The following NPTX1 variants were observed in gnomAD, a reference collection of about 807,000 sequenced individuals.
The protein encoded by NPTX1 is neuronal pentraxin-1.
A neutral mutation model predicts 38.7 loss-of-function variants in NPTX1; 12 were observed. The observed-to-expected ratio is 0.31, with a 90% confidence interval of 0.20 to 0.50. The LOEUF (loss-of-function observed/expected upper bound fraction) is 0.50, where lower values mean the gene tolerates loss of function less well. Ranked by LOEUF, NPTX1 falls within the 20% of genes least tolerant of loss-of-function variation. The pLI is 0.98. For synonymous variants in NPTX1, 272 were observed against 264.9 expected (o/e 1.03, Z -0.26); for missense variants, 454 against 592.2 (o/e 0.77, Z 2.42).
chr17:80,476,065 C>T lies in NPTX1; in HGVS notation c.382G>A (p.Glu128Lys). 1 of 1,608,550 alleles carries T rather than the reference C, an allele frequency of 6.2e-7. No homozygotes were observed. Among genetic ancestry groups the T allele is most frequent in the Non-Finnish European group, 8.5e-7 (1 of 1,178,444 alleles). The change falls in exon 1 of 5, where the codon GAG (glutamate) becomes AAG (lysine). Residue 128 changes from glutamate to lysine, a missense_variant. Glu to Lys is a moderately conservative substitution (Grantham distance 56, BLOSUM62 1). Transcript: ENST00000306773. This position sits in a 1 kb window ranked among gnomAD's most constrained non-coding sequence, Gnocchi z 6.3. ...GTTTGCCCGAGTTGGCTGAGCGTCT[C>T]GGCGGCCGGTGTCCGGGACAGGTCG... ...MGDLSRTPAA[E>K]TLSQLGQTLQ...
chr17:80,474,656 C>T (rs2083865688), intron 2 of NPTX1: 1 of 152,460 alleles, frequency 6.6e-6, no homozygotes, highest in Non-Finnish European at 1.5e-5. Flanking sequence ...CCAATCTCCG[C>T]TCCTTCCCTC....
chr17:80,467,904 T>TG lies in NPTX1; in HGVS notation c.*2908dup, dbSNP rs2083814919. 2 of 152,628 alleles carry TG rather than the reference T, an allele frequency of 1.3e-5. No homozygotes were observed. Among genetic ancestry groups the TG allele is most frequent in the South Asian group, 4.1e-4 (2 of 4,836 alleles). 9.5% of individuals were successfully genotyped at this position (152,628 alleles called of 1,614,324 possible). A position where few individuals can be genotyped will look rare whatever the true frequency, so the allele number is the denominator to read the frequency against. ...AAAGCAAGAAGGCTTACGACTCAAG[T>TG]GGGATCTAAGCCCCTGAGGGCCCGG... On this transcript the variant is annotated 3_prime_UTR_variant, in exon 5 of 5. Coordinates refer to ENST00000306773, the MANE Select transcript of NPTX1 (RefSeq NM_002522.4).
rs2083810095 is a variant in NPTX1 at position 80,467,128 on chromosome 17, T to TC, written c.*3684_*3685insG. On this transcript the variant is annotated 3_prime_UTR_variant, in exon 5 of 5. Coordinates refer to ENST00000306773, the MANE Select transcript of NPTX1 (RefSeq NM_002522.4). ...CAATATCAACCATAGGGGGTTTGCT[T>TC]TTTTTTTTTTTTTTTTTTTGGCAAA... is the stretch of plus-strand genomic sequence containing the variant. The TC allele has an allele frequency of 1.6e-5, 2 of 128,762 alleles. No homozygotes were observed. Among genetic ancestry groups the TC allele is most frequent in the African/African-American group, 6.6e-5 (2 of 30,378 alleles). The allele number at this position is 128,762 out of a possible 1,614,324, so 8.0% of individuals were successfully genotyped here. A position where few individuals can be genotyped will look rare whatever the true frequency, so the allele number is the denominator to read the frequency against.
At position 80,475,233 on chromosome 17, in the gene NPTX1, C is replaced by T. The variant is rs1264576207; in HGVS notation, c.652+278G>A. ...AACAAATCAGACTTGAAAAATCCAG[C>T]GAGTGTGTGAGTGTGTCTGGATGGG... is the stretch of plus-strand genomic sequence containing the variant. On this transcript the variant is annotated intron_variant, in intron 2 of 4. Coordinates refer to ENST00000306773, the MANE Select transcript of NPTX1 (RefSeq NM_002522.4). This position sits in a 1 kb window ranked among gnomAD's most constrained non-coding sequence, Gnocchi z 6.5. Among the ~76,000 whole-genome samples the T allele has an allele frequency of 3.3e-5, 5 of 152,098 alleles. No homozygotes were observed. Among genetic ancestry groups the T allele is most frequent in the African/African-American group, 7.2e-5 (3 of 41,406 alleles).
At chr17:80,472,054 C>T (rs1468108254) in intron 3 of NPTX1, 143 bp from the exon 4 acceptor site, 1 of 810,788 alleles carries the variant, frequency 1.2e-6, no homozygotes, top group Admixed American at 3.0e-5. Flanking sequence ...GCACCTACTG[C>T]CCCAGACTTC....
rs1193272666 is a variant in NPTX1, at chr17:80,476,125, G to T, written c.322C>A (p.Arg108Ser). 1.3e-6 allele frequency: 2 copies of T among 1,599,176 alleles called. No individual in the cohort carries two copies. Among genetic ancestry groups the T allele is most frequent in the Non-Finnish European group, 1.7e-6 (2 of 1,176,438 alleles). The change falls in exon 1 of 5, where the codon CGC becomes AGC. Residue 108 changes from arginine to serine, a missense_variant. By Grantham distance (110) the Arg-to-Ser change is moderately radical (BLOSUM62 -1). Around this residue, in one of 4 missense-constraint regions of NPTX1, gnomAD observed 288 missense variants for 318.4 expected, o/e 0.90. Coordinates refer to ENST00000306773, the MANE Select transcript of NPTX1 (RefSeq NM_002522.4). The surrounding 1 kb of genome is among the most constrained non-coding windows in gnomAD (Gnocchi z 6.3). Reference sequence around the variant, plus strand: ...TTCTTGCCCGAGCCGGGCTGCTTGCGGCCGCCGCCCGCCCGGGCCTCGCCG... The same window carrying T: ...TTCTTGCCCGAGCCGGGCTGCTTGCTGCCGCCGCCCGCCCGGGCCTCGCCG... Reference protein sequence around the residue: ...GAGEARAGGGRKQPGSGKNTM... With the variant: ...GAGEARAGGGSKQPGSGKNTM...
Position 80,470,653 on chromosome 17 carries a change from C to T in NPTX1, c.*160G>A, listed in dbSNP as rs540796771. 1.5e-4 allele frequency: 85 copies of T among 576,776 alleles called. No homozygotes were observed. Among genetic ancestry groups the T allele is most frequent in the Middle Eastern group, 9.3e-4 (2 of 2,156 alleles). 35.7% of individuals were successfully genotyped at this position (576,776 alleles called of 1,614,324 possible). On this transcript the variant is annotated 3_prime_UTR_variant, in exon 5 of 5. Coordinates refer to ENST00000306773, the MANE Select transcript of NPTX1 (RefSeq NM_002522.4). ...GGACAGATGGGAGCAGGGGCTGCTT[C>T]GTGTGCATGAGGACAAAACCAGGCT... is the stretch of plus-strand genomic sequence containing the variant.
intron 3 of NPTX1, 112 bp downstream of exon 3, chr17:80,473,088 C>A: frequency 3.3e-5 from 42 of 1,289,868 alleles, no homozygotes; most frequent in African/African-American, 4.5e-5. Flanking sequence ...CAAACACTTT[C>A]CTTGGGGCCC....
Position 80,476,471 on chromosome 17 carries a change from GC to G in NPTX1, c.-26del. On this transcript the variant is annotated 5_prime_UTR_variant, in exon 1 of 5. Coordinates refer to ENST00000306773, the MANE Select transcript of NPTX1 (RefSeq NM_002522.4). The surrounding 1 kb of genome is among the most constrained non-coding windows in gnomAD (Gnocchi z 6.3). ...TGGCTGCGGGCACCGGGCGCTCCGG[GC>G]CCGGCTCGGCTCGGCTGGGGCTCGG... is the stretch of plus-strand genomic sequence containing the variant. 4 of 1,182,852 alleles carry G rather than the reference GC, an allele frequency of 3.4e-6. No homozygotes were observed. Among genetic ancestry groups the G allele is most frequent in the Non-Finnish European group, 4.2e-6 (4 of 958,274 alleles). 73.3% of individuals were successfully genotyped at this position (1,182,852 alleles called of 1,614,324 possible). A position where few individuals can be genotyped will look rare whatever the true frequency, so the allele number is the denominator to read the frequency against.
chr17:80,473,533 G>A, intron 2 of NPTX1, 89 bp from the exon 3 acceptor site: 2 of 1,361,992 alleles, frequency 1.5e-6, no homozygotes, highest in South Asian at 2.5e-5. Flanking sequence ...GCTCTGTGAT[G>A]CGTGGCCAGG....
rs563382904 is a variant in NPTX1, at chr17:80,475,404, G to A, written c.652+107C>T. The A allele has an allele frequency of 6.4e-5, 52 of 813,330 alleles. No homozygotes were observed. In the African/African-American group the frequency reaches 7.7e-4, roughly 12 times the overall value. The allele number at this position is 813,330 out of a possible 1,614,324, so 50.4% of individuals were successfully genotyped here. ...GTGCAGGGGTTGGGGGTAGCGGAGCGGCTTGAGGCTTGCACAGTGCAGAGC... is the reference window on the plus strand; with the variant it reads ...GTGCAGGGGTTGGGGGTAGCGGAGCAGCTTGAGGCTTGCACAGTGCAGAGC... On this transcript the variant is annotated intron_variant, in intron 2 of 4. Coordinates refer to ENST00000306773, the MANE Select transcript of NPTX1 (RefSeq NM_002522.4). The surrounding 1 kb of genome is among the most constrained non-coding windows in gnomAD (Gnocchi z 6.5).
In NPTX1 at chr17:80,476,165, C is replaced by G. The variant is rs768587879; in HGVS notation, c.282G>C (p.Thr94=). 6.3e-7 allele frequency: 1 copy of G among 1,589,936 alleles called. No homozygotes were observed. ...GGGCCTCGCCGGCTCCGGGGTCCAG[C>G]GTGCTCTGGCTCTCGCAGCGGCCCA... ...AKLGRCESQS[T]LDPGAGEARA... is the part of the protein sequence containing the mutation. The change falls in exon 1 of 5, where the codon ACG becomes ACC. Residue 94 remains threonine (T), a synonymous_variant. Transcript: ENST00000306773. The surrounding 1 kb of genome is among the most constrained non-coding windows in gnomAD (Gnocchi z 6.3).
Position 80,475,764 on chromosome 17 carries a change from C to A in NPTX1, c.445-46G>T. 1 of 1,465,460 alleles carries A rather than the reference C, an allele frequency of 6.8e-7. No individual in the cohort carries two copies. The allele number at this position is 1,465,460 out of a possible 1,614,324, so 90.8% of individuals were successfully genotyped here. On this transcript the variant is annotated intron_variant, in intron 1 of 4. Transcript: ENST00000306773. The surrounding 1 kb of genome is among the most constrained non-coding windows in gnomAD (Gnocchi z 6.5). ...GGAAACCACACCGTTAGGCGAGGCG[C>A]GGGGACCGTGCTGGAAGGCCCGCGG... is the stretch of plus-strand genomic sequence containing the variant.
chr17:80,473,300 C>T lies in NPTX1; in HGVS notation c.797G>A (p.Gly266Asp). The change falls in exon 3 of 5, where the codon GGT becomes GAT. Residue 266 changes from glycine to aspartate, a missense_variant. Physicochemically the swap from Gly to Asp is moderately conservative, Grantham distance 94 (BLOSUM62 -1). Transcript: ENST00000306773. ...CMWLKSSATPGVGTPFSYAVP... is the reference protein window; with the variant it reads ...CMWLKSSATPDVGTPFSYAVP... The stretch of plus-strand genomic sequence containing the variant: ...AGCGTAGGAGAAGGGCGTGCCCACA[C>T]CTGGCGTGGCGCTGGACTTGAGCCA... 1 of 1,614,036 alleles carries T rather than the reference C, an allele frequency of 6.2e-7. No individual in the cohort carries two copies. The highest frequency in any genetic ancestry group is 8.5e-7 in the Non-Finnish European group (1 of 1,180,020).
At position 80,470,876 on chromosome 17, in the gene NPTX1, G is replaced by A. The variant is rs766225814; in HGVS notation, c.1236C>T (p.Ser412=). Residue 412 remains serine, a synonymous_variant, in exon 5 of 5, where the codon TCC becomes TCT. Coordinates refer to ENST00000306773, the MANE Select transcript of NPTX1 (RefSeq NM_002522.4). ...TGGCCCCTCCGTAGATCTCGATGTG[G>A]GATTCAGCCCAGGCGATGACATTGC... ...LSGNVIAWAE[S]HIEIYGGATK... The A allele has an allele frequency of 4.3e-6, 7 of 1,610,996 alleles. No homozygotes were observed. In the East Asian group the frequency reaches 1.6e-4, roughly 36 times the overall value.
In NPTX1 at chr17:80,470,840, G is replaced by T. The variant is rs779350576; in HGVS notation, c.1272C>A (p.Thr424=). 1.9e-5 allele frequency: 31 copies of T among 1,601,396 alleles called. No homozygotes were observed. Among genetic ancestry groups the T allele is most frequent in the Non-Finnish European group, 2.6e-5 (31 of 1,170,228 alleles). Residue 424 remains threonine, a synonymous_variant, in exon 5 of 5, where the codon ACC becomes ACA. Coordinates refer to ENST00000306773, the MANE Select transcript of NPTX1 (RefSeq NM_002522.4). ...IEIYGGATKW[T]FEACRQIN The stretch of plus-strand genomic sequence containing the variant: ...AGTTGATCTGGCGACAGGCCTCGAA[G>T]GTCCACTTGGTGGCCCCTCCGTAGA...
At chr17:80,471,089 C>T (rs2083839381) in intron 4 of NPTX1, 55 bp from the exon 5 acceptor site, 25 of 1,396,082 alleles carry the variant, frequency 1.8e-5, no homozygotes, top group Non-Finnish European at 2.5e-5. Flanking sequence ...GTCTGGGGGC[C>T]CATCCCTAGG....
Position 80,470,833 on chromosome 17 carries a change from C to T in NPTX1, c.1279G>A (p.Ala427Thr), listed in dbSNP as rs780810652. ...CGTGCTCAGTTGATCTGGCGACAGG[C>T]CTCGAAGGTCCACTTGGTGGCCCCT... The part of the protein sequence containing the change: ...YGGATKWTFE[A>T]CRQIN Residue 427 changes from alanine to threonine, a missense_variant, in exon 5 of 5, where the codon GCC (alanine) becomes ACC (threonine). Physicochemically the swap from Ala to Thr is moderately conservative, Grantham distance 58. Around this residue, in one of 4 missense-constraint regions of NPTX1, gnomAD observed 50 missense variants for 54.0 expected, o/e 0.93. Transcript: ENST00000306773. 2 of 1,599,296 alleles carry T rather than the reference C, an allele frequency of 1.3e-6. No homozygotes were observed. Among genetic ancestry groups the T allele is most frequent in the East Asian group, 4.5e-5 (2 of 44,506 alleles).
Position 80,470,762 on chromosome 17 carries a change from G to T in NPTX1, c.*51C>A, listed in dbSNP as rs778727218. The T allele has an allele frequency of 3.2e-6, 4 of 1,253,512 alleles. No individual in the cohort carries two copies. In the African/African-American group the frequency reaches 5.9e-5, roughly 18 times the overall value. The allele number at this position is 1,253,512 out of a possible 1,614,324, so 77.6% of individuals were successfully genotyped here. A position where few individuals can be genotyped will look rare whatever the true frequency, so the allele number is the denominator to read the frequency against. ...GAAGAGACGCACAAAACAGATCATC[G>T]CCGCACAAGCAGGGGGCGAGGGCGG... On this transcript the variant is annotated 3_prime_UTR_variant, in exon 5 of 5. Transcript: ENST00000306773.
Sources: gnomAD v4.1 joint callset for allele counts (sites outside exome capture counted in the v4.1 genomes callset) on GRCh38, gnomAD v4.1.1 for gene constraint, gnomAD v4.1.1 regional missense constraint, Gnocchi (gnomAD v3.1) non-coding constraint, MANE v1.5 for transcripts, NCBI Gene and HGNC (gene_info 2026-07-23, HGNC 2026-07-21) for gene names.